Variants in NAALADL2 observed in about 807,000 individuals in gnomAD.
NAALADL2 encodes the protein N-acetylated alpha-linked acidic dipeptidase like 2, also known as inactive N-acetylated-alpha-linked acidic dipeptidase-like protein 2.
A neutral mutation model predicts 87.2 loss-of-function variants in NAALADL2; 76 were observed. The observed-to-expected ratio is 0.87, with a 90% confidence interval of 0.72 to 1.05. The LOEUF is 1.05. NAALADL2 is among the 50% of genes least tolerant of loss of function. NAALADL2 has a pLI of 0.00. For missense variants in NAALADL2, 1,089 were observed against 945.8 expected, an observed-to-expected ratio of 1.15 and a Z score of -1.99; for synonymous variants, 354 against 331.0, an observed-to-expected ratio of 1.07 and a Z score of -0.75.
chr3:175,246,462 GGTTGAAAATGTCA>G (rs2109700561), intron 3 of NAALADL2, among the ~76,000 whole-genome samples: 4 of 152,158 alleles, frequency 2.6e-5, no homozygotes, highest in African/African-American at 9.6e-5. Context: ...TGATGGATTT[GGTTGAAAATGTCA>G]AGTCTAAAAG....
chr3:174,442,434 T>A (rs1714731853), intron 1 of NAALADL2, among the ~76,000 whole-genome samples: 1 of 152,206 alleles, frequency 6.6e-6, no homozygotes, highest in Non-Finnish European at 1.5e-5. Flanking sequence ...TCTCAAGACT[T>A]ATGGGAAATG....
chr3:175,738,874 A>G (rs1744875951), intron 12 of NAALADL2, among the ~76,000 whole-genome samples: 1 of 152,220 alleles, frequency 6.6e-6, no homozygotes, highest in African/African-American at 2.4e-5. Flanking sequence ...AAGAAGGTAT[A>G]AATAAAGGTC....
intron 11 of NAALADL2, among the ~76,000 whole-genome samples, chr3:175,631,063 A>G (rs1380840744): frequency 6.6e-6 from 1 of 151,546 alleles, no homozygotes; most frequent in Non-Finnish European, 1.5e-5. Flanking sequence ...ATAAATATGT[A>G]TATCTAATAT....
intron 3 of NAALADL2, among the ~76,000 whole-genome samples, chr3:175,238,814 T>A (rs1746352979): frequency 6.6e-6 from 1 of 152,186 alleles, no homozygotes; most frequent in African/African-American, 2.4e-5. Flanking sequence ...CAGGCATGCC[T>A]CTTTTTTTGA....
At chr3:175,092,039 A>AG (rs1190564564) in intron 1 of NAALADL2, among the ~76,000 whole-genome samples, 1 of 151,938 alleles carries the variant, frequency 6.6e-6, no homozygotes, top group Non-Finnish European at 1.5e-5. Context: ...GTGGAAAAAA[A>AG]TAGTGAATGA....
intron 9 of NAALADL2, among the ~76,000 whole-genome samples, chr3:175,548,890 T>C (rs764053147): frequency 7.9e-5 from 12 of 152,042 alleles, no homozygotes; most frequent in South Asian, 2.1e-4. Context: ...GATTCATAGA[T>C]AGTAGTTAAC....
intron 10 of NAALADL2, among the ~76,000 whole-genome samples, chr3:175,582,888 G>A (rs1455183485): frequency 6.6e-6 from 1 of 152,152 alleles, no homozygotes; most frequent in Admixed American, 6.5e-5. Flanking sequence ...GATTTCTGAA[G>A]CTCCTCACAG....
At chr3:174,910,625 C>T (rs980885442) in intron 1 of NAALADL2, among the ~76,000 whole-genome samples, 1 of 151,936 alleles carries the variant, frequency 6.6e-6, no homozygotes, top group African/African-American at 2.4e-5. Context: ...GCAGTCCAGG[C>T]AGGATGACGC....
chr3:175,275,854 TAAG>T (rs1364803385), intron 4 of NAALADL2, among the ~76,000 whole-genome samples: 1 of 150,636 alleles, frequency 6.6e-6, no homozygotes. Flanking sequence ...ATAATTATAA[TAAG>T]TTTAAGCTTT....
intron 10 of NAALADL2, among the ~76,000 whole-genome samples, chr3:175,625,565 C>A (rs1426543177): frequency 6.6e-6 from 1 of 151,892 alleles, no homozygotes; most frequent in Admixed American, 6.6e-5. Context: ...TGAAGGCTTG[C>A]AGGAAATTGG....
intron 11 of NAALADL2, among the ~76,000 whole-genome samples, chr3:175,725,087 A>C (rs1203464862): frequency 6.6e-6 from 1 of 152,092 alleles, no homozygotes; most frequent in Non-Finnish European, 1.5e-5. Context: ...AATATTTCAC[A>C]TGTACAGATA....
At chr3:175,251,492 T>C (rs1274407749) in intron 3 of NAALADL2, among the ~76,000 whole-genome samples, 3 of 152,218 alleles carry the variant, frequency 2.0e-5, no homozygotes, top group Non-Finnish European at 4.4e-5. Flanking sequence ...CTTAAGTAAC[T>C]AGATTTGTGC....
intron 1 of NAALADL2, among the ~76,000 whole-genome samples, chr3:174,883,189 A>AGG (rs111957723): frequency 9.7e-4 from 147 of 151,980 alleles, no homozygotes; most frequent in African/African-American, 3.2e-3. Flanking sequence ...ACCCAGATTA[A>AGG]GGGGGGGTCT....
chr3:174,953,110 A>T (rs1740623677), intron 1 of NAALADL2, among the ~76,000 whole-genome samples: 1 of 151,962 alleles, frequency 6.6e-6, no homozygotes, highest in Non-Finnish European at 1.5e-5. Flanking sequence ...CAGAAGAAGA[A>T]ATTGAGACAC....
intron 3 of NAALADL2, among the ~76,000 whole-genome samples, chr3:175,254,074 A>G (rs984828635): frequency 6.6e-6 from 1 of 152,186 alleles, no homozygotes; most frequent in African/African-American, 2.4e-5. Context: ...GGTTTTTGAG[A>G]TAATTGACAC....
At chr3:174,711,067 A>G (rs1024754575) in intron 2 of NAALADL2, among the ~76,000 whole-genome samples, 2 of 152,128 alleles carry the variant, frequency 1.3e-5, no homozygotes, top group African/African-American at 2.4e-5. Flanking sequence ...CTCCTTTCCT[A>G]TGAAATTCTC....
At chr3:175,274,937 G>C (rs1437464372) in intron 4 of NAALADL2, among the ~76,000 whole-genome samples, 3 of 152,128 alleles carry the variant, frequency 2.0e-5, no homozygotes, top group Non-Finnish European at 4.4e-5. Context: ...AAAAAAACTT[G>C]TCAGGAAGAC....
intron 2 of NAALADL2, among the ~76,000 whole-genome samples, chr3:174,567,486 T>C (rs2108525851): frequency 6.6e-6 from 1 of 151,720 alleles, no homozygotes; most frequent in South Asian, 2.1e-4. Flanking sequence ...TATTTATACC[T>C]ACCTGACTTG....
At position 175,324,208 on chromosome 3, in the gene NAALADL2, G is replaced by T. The variant is rs1426890358; in HGVS notation, c.973G>T (p.Val325Phe). ...SSLEKAGFGGVLLYIDPCDLP... is the reference protein window; with the variant it reads ...SSLEKAGFGGFLLYIDPCDLP... Reference sequence around the variant, plus strand: ...ATTGGAAAAGGCTGGATTTGGAGGTGTTCTTCTGTATATCGATCCTTGTGA... The same window carrying T: ...ATTGGAAAAGGCTGGATTTGGAGGTTTTCTTCTGTATATCGATCCTTGTGA... The change falls in exon 5 of 14, where the codon GTT (valine) becomes TTT (phenylalanine). Residue 325 changes from valine (V) to phenylalanine (F), a missense_variant. Transcript: ENST00000454872. 4 of 1,613,536 alleles carry T rather than the reference G, an allele frequency of 2.5e-6. No individual in the cohort carries two copies. Among genetic ancestry groups the T allele is most frequent in the Non-Finnish European group, 1.7e-6 (2 of 1,179,730 alleles).
Sources: allele counts gnomAD v4.1 joint callset (sites outside exome capture counted in the v4.1 genomes callset), GRCh38; gene constraint gnomAD v4.1.1; transcripts MANE v1.5; gene names NCBI Gene and HGNC (gene_info 2026-07-23, HGNC 2026-07-21).